Variants in MYH14 observed in about 807,000 individuals in gnomAD.
The protein encoded by MYH14 is myosin-14.
MYH14 carries 123 observed loss-of-function variants against 255.5 expected under a neutral mutation model. That is an observed-to-expected ratio of 0.48 (90% CI 0.42 to 0.56). The LOEUF is 0.56. Ranked by LOEUF, MYH14 falls within the 20% of genes least tolerant of loss-of-function variation. The pLI is 0.00. For missense variants in MYH14, 2,423 were observed against 2,802.3 expected (o/e 0.86, Z 3.06); for synonymous variants, 1,095 against 1,161.2 (o/e 0.94, Z 1.16).
chr19:50,249,952 A>G lies in MYH14; in HGVS notation c.1656+129A>G. On this transcript the variant is annotated intron_variant, in intron 14 of 42. Transcript: ENST00000642316. ...CCCCATGGGTTCTGTGGGGAAGGTG[A>G]CAGCACCTGCTTCCTCGATCTTTTG... 4.4e-6 allele frequency: 5 copies of G among 1,147,228 alleles called. No individual in the cohort carries two copies. In the South Asian group the frequency reaches 4.4e-5, roughly 10 times the overall value. 71.1% of individuals were successfully genotyped at this position (1,147,228 alleles called of 1,614,324 possible).
intron 27 of MYH14, among the ~76,000 whole-genome samples, chr19:50,273,277 C>A (rs1600997183): frequency 3.0e-5 from 3 of 99,656 alleles, no homozygotes; most frequent in Non-Finnish European, 1.8e-5. Flanking sequence ...GGCAACAGAG[C>A]AAGACTATGT....
At chr19:50,271,810 ACTC>A (rs762817219) in intron 25 of MYH14, 36 bp from the exon 26 acceptor site, 3 of 1,610,360 alleles carry the variant, frequency 1.9e-6, no homozygotes, top group Admixed American at 1.7e-5. Flanking sequence ...TCCTGGCCCA[ACTC>A]CTCCTGACTG....
At chr19:50,303,876 C>T (rs1355416083) in intron 40 of MYH14, among the ~76,000 whole-genome samples, 1 of 152,084 alleles carries the variant, frequency 6.6e-6, no homozygotes, top group African/African-American at 2.4e-5. Flanking sequence ...CCAAGAATGC[C>T]CCCATAACAT....
At position 50,250,108 on chromosome 19, in the gene MYH14, G is replaced by T. The variant is rs809287; in HGVS notation, c.1656+285G>T. Among the ~76,000 whole-genome samples the T allele has an allele frequency of 1.6e-4, 24 of 152,050 alleles. No individual in the cohort carries two copies. In the South Asian group the frequency reaches 4.0e-3, roughly 25 times the overall value. On this transcript the variant is annotated intron_variant, in intron 14 of 42. Transcript: ENST00000642316. This position sits in a 1 kb window ranked among gnomAD's most constrained non-coding sequence, Gnocchi z 5.4. Reference sequence around the variant, plus strand: ...TTGTTTGTTTGTTTTGTTTTGTTTTGTTTTTTTCTTGAGACGGAGTCTCGC... The same window carrying T: ...TTGTTTGTTTGTTTTGTTTTGTTTTTTTTTTTTCTTGAGACGGAGTCTCGC...
In MYH14 at chr19:50,280,435, C is replaced by A; in HGVS notation, c.4290+52C>A. Reference sequence around the variant, plus strand: ...GGGAGGCACAGCCCCCCTCACTGCTCCTCCTGGGTTCCCCAGCTCAGGGAT... The same window carrying A: ...GGGAGGCACAGCCCCCCTCACTGCTACTCCTGGGTTCCCCAGCTCAGGGAT... On this transcript the variant is annotated intron_variant, in intron 32 of 42. Transcript: ENST00000642316. The surrounding 1 kb of genome is among the most constrained non-coding windows in gnomAD (Gnocchi z 4.8). 1 of 1,469,084 alleles carries A rather than the reference C, an allele frequency of 6.8e-7. No homozygotes were observed. Among genetic ancestry groups the A allele is most frequent in the Non-Finnish European group, 9.1e-7 (1 of 1,103,432 alleles). 91.0% of individuals were successfully genotyped at this position (1,469,084 alleles called of 1,614,324 possible). A position where few individuals can be genotyped will look rare whatever the true frequency, so the allele number is the denominator to read the frequency against.
In MYH14 at chr19:50,232,143, C is replaced by T. The variant is rs2033429936; in HGVS notation, c.1114+73C>T. On this transcript the variant is annotated intron_variant, in intron 10 of 42. Coordinates refer to ENST00000642316, the MANE Select transcript of MYH14 (RefSeq NM_001145809.2). ...AGCTGGGGACCTGGCCATTCATGCC[C>T]CGATCTCTTTGAGCAAGTGTTTATT... The T allele has an allele frequency of 9.5e-6, 15 of 1,575,338 alleles. 1 individual carries two copies. The South Asian group carries it at 1.2e-4, about 13-fold the overall frequency.
Position 50,288,062 on chromosome 19 carries a change from C to T in MYH14, c.4752+1368C>T, listed in dbSNP as rs2035949771. On this transcript the variant is annotated intron_variant, in intron 34 of 42. Transcript: ENST00000642316. Reference sequence around the variant, plus strand: ...CTTCTCGCAGGCTCCCCTCACCCAGCCAGTGTCCCAGCCTTCCGAATGGTC... The same window carrying T: ...CTTCTCGCAGGCTCCCCTCACCCAGTCAGTGTCCCAGCCTTCCGAATGGTC... 3.3e-5 allele frequency among the ~76,000 whole-genome samples: 5 copies of T among 152,310 alleles called. No individual in the cohort carries two copies. The South Asian group carries it at 1.0e-3, about 32-fold the overall frequency.
At chr19:50,273,601 G>GTGTGTGTGTGTGTGTGTGTGTGTGTGTGT (rs1555772397) in intron 27 of MYH14, among the ~76,000 whole-genome samples, 127 of 137,562 alleles carry the variant, frequency 9.2e-4, no homozygotes, top group Admixed American at 1.3e-3. Flanking sequence ...GAACATGGGG[G>GTGTGTGTGTGTGTGTGTGTGTGTGTGTGT]GTGTGTGTGT....
At chr19:50,238,780 A>G (rs594936) in intron 10 of MYH14, among the ~76,000 whole-genome samples, 146,664 of 152,216 alleles carry the variant, frequency 0.96, 70,710 homozygotes, top group African/African-American at 0.99. Flanking sequence ...CACATCTGCA[A>G]AGTCCCTTTT....
At chr19:50,253,754 CT>C (rs1285931074) in intron 16 of MYH14, among the ~76,000 whole-genome samples, 1 of 152,154 alleles carries the variant, frequency 6.6e-6, no homozygotes. Flanking sequence ...GCCACTGCCC[CT>C]GCCCCCCCAT....
At chr19:50,241,160 G>A (rs2033876279) in intron 10 of MYH14, among the ~76,000 whole-genome samples, 1 of 152,222 alleles carries the variant, frequency 6.6e-6, no homozygotes, top group African/African-American at 2.4e-5. Flanking sequence ...GATGCAGCCA[G>A]GCTTGGTGAC....
intron 2 of MYH14, among the ~76,000 whole-genome samples, chr19:50,216,801 CTTTTTTTTTTTTT>C (rs200626930): frequency 1.8e-4 from 20 of 112,802 alleles, no homozygotes; most frequent in African/African-American, 5.5e-4. Context: ...TCCATCCTTT[CTTTTTTTTTTTTT>C]TTTTTTTTTT....
Position 50,307,068 on chromosome 19 carries a change from A to G in MYH14, c.5698A>G (p.Lys1900Glu). 6.4e-7 allele frequency: 1 copy of G among 1,550,984 alleles called. No homozygotes were observed. The highest frequency in any genetic ancestry group is 1.4e-5 in the African/African-American group (1 of 73,158). The change falls in exon 41 of 43, where the codon AAG becomes GAG. Residue 1900 changes from lysine (K) to glutamate (E), a missense_variant. Lys to Glu is a moderately conservative substitution (Grantham distance 56). Coordinates refer to ENST00000642316, the MANE Select transcript of MYH14 (RefSeq NM_001145809.2). ...CTTCAGAGAGCGCATCCTCTCTGGAAAGCTGGTGCGCAGAGCTGAGAAGCG... is the reference window on the plus strand; with the variant it reads ...CTTCAGAGAGCGCATCCTCTCTGGAGAGCTGGTGCGCAGAGCTGAGAAGCG... The part of the protein sequence containing the change: ...QETRERILSG[K>E]LVRRAEKRLK...
At chr19:50,304,525 G>T (rs566000118) in intron 40 of MYH14, among the ~76,000 whole-genome samples, 1 of 151,692 alleles carries the variant, frequency 6.6e-6, no homozygotes, top group East Asian at 2.0e-4. Flanking sequence ...GGGAAGTGGA[G>T]GTTGCAGTGA....
chr19:50,225,567 A>G lies in MYH14; in HGVS notation c.718-18A>G. ...CCCATTCTCACTGACCTCATGCATCATCTCCTGTGCCCGGCAGGGTGAGCT... is the reference window on the plus strand; with the variant it reads ...CCCATTCTCACTGACCTCATGCATCGTCTCCTGTGCCCGGCAGGGTGAGCT... On this transcript the variant is annotated intron_variant, in intron 6 of 42. Transcript: ENST00000642316. 6.2e-7 allele frequency: 1 copy of G among 1,608,920 alleles called. No individual in the cohort carries two copies. The highest frequency in any genetic ancestry group is 8.5e-7 in the Non-Finnish European group (1 of 1,177,358).
At chr19:50,299,911 C>T (rs996928116) in intron 39 of MYH14, among the ~76,000 whole-genome samples, 2 of 152,196 alleles carry the variant, frequency 1.3e-5, no homozygotes, top group African/African-American at 4.8e-5. Flanking sequence ...TGCCACTACA[C>T]TCCAGCCTGG....
chr19:50,231,158 C>T (rs2033365431), intron 9 of MYH14, among the ~76,000 whole-genome samples: 1 of 152,230 alleles, frequency 6.6e-6, no homozygotes, highest in Non-Finnish European at 1.5e-5. Context: ...CTGGCACTGC[C>T]CTGTAGCTCC....
At chr19:50,207,341 G>A (rs1207987642) in intron 1 of MYH14, among the ~76,000 whole-genome samples, 1 of 144,338 alleles carries the variant, frequency 6.9e-6, no homozygotes, top group African/African-American at 2.6e-5. Flanking sequence ...TTAGCAGGAG[G>A]GGGCCACGCA....
intron 7 of MYH14, among the ~76,000 whole-genome samples, chr19:50,226,500 T>C (rs1485032995): frequency 7.3e-5 from 10 of 137,074 alleles, no homozygotes; most frequent in African/African-American, 2.8e-4. Context: ...GCTGGTGGCC[T>C]GGACCCCTGG....
Sources: allele counts gnomAD v4.1 joint callset (sites outside exome capture counted in the v4.1 genomes callset), GRCh38; gene constraint gnomAD v4.1.1; non-coding constraint Gnocchi (gnomAD v3.1); transcripts MANE v1.5; gene names NCBI Gene and HGNC (gene_info 2026-07-23, HGNC 2026-07-21).